Variants in CYP19A1 observed in about 807,000 individuals in gnomAD.
CYP19A1 encodes aromatase.
CYP19A1 carries 32 observed loss-of-function variants against 44.4 expected under a neutral mutation model. The observed-to-expected ratio is 0.72, with a 90% CI of 0.54 to 0.97. The LOEUF is 0.97. CYP19A1 is among the 50% of genes least tolerant of loss of function. CYP19A1 has a pLI of 0.00. For synonymous variants in CYP19A1, 212 were observed against 215.6 expected, an observed-to-expected ratio of 0.98 and a Z score of 0.14; for missense variants, 598 against 637.8, an observed-to-expected ratio of 0.94 and a Z score of 0.67.
chr15:51,299,778 G>A (rs1285800559), intron 1 of CYP19A1, among the ~76,000 whole-genome samples: 2 of 152,220 alleles, frequency 1.3e-5, no homozygotes, highest in African/African-American at 4.8e-5. Context: ...CCCAGCAGGG[G>A]AGATAAGACC....
Position 51,257,626 on chromosome 15 carries a change from T to C in CYP19A1, c.-38-14676A>G, listed in dbSNP as rs994657731. 2.0e-5 allele frequency among the ~76,000 whole-genome samples: 3 copies of C among 152,194 alleles called. No individual in the cohort carries two copies. The East Asian group carries it at 5.8e-4, about 29-fold the overall frequency. ...CAAACAGGCCTTGGCTTCCTGGACA[T>C]TGTGCTCCAGCGCCTGAGCCCAGGT... is the stretch of plus-strand genomic sequence containing the variant. On this transcript the variant is annotated intron_variant, in intron 1 of 9. Coordinates refer to ENST00000396402, the MANE Select transcript of CYP19A1 (RefSeq NM_000103.4).
intron 4 of CYP19A1, among the ~76,000 whole-genome samples, chr15:51,226,971 T>C (rs2032636179): frequency 6.6e-6 from 1 of 152,152 alleles, no homozygotes; most frequent in Non-Finnish European, 1.5e-5. Flanking sequence ...ATTCACAAAT[T>C]GCTTCCTGCT....
rs2034540024 is a variant in CYP19A1 at position 51,256,993 on chromosome 15, T to G, written c.-38-14043A>C. Among the ~76,000 whole-genome samples the G allele has an allele frequency of 4.6e-5, 7 of 152,186 alleles. No homozygotes were observed. In the South Asian group the frequency reaches 1.4e-3, roughly 31 times the overall value. On this transcript the variant is annotated intron_variant, in intron 1 of 9. Coordinates refer to ENST00000396402, the MANE Select transcript of CYP19A1 (RefSeq NM_000103.4). ...ATGCCTGTTGTCCTGGCACCATTAT[T>G]AATTGCACCCCCTCCAATCTTAAGT...
intron 1 of CYP19A1, among the ~76,000 whole-genome samples, chr15:51,300,170 A>G (rs963936177): frequency 6.6e-6 from 1 of 152,056 alleles, no homozygotes; most frequent in African/African-American, 2.4e-5. Context: ...TATTTAGATG[A>G]TTTTCTTCAT....
At position 51,264,291 on chromosome 15, in the gene CYP19A1, C is replaced by A. The variant is rs115735907; in HGVS notation, c.-38-21341G>T. On this transcript the variant is annotated intron_variant, in intron 1 of 9. Coordinates refer to ENST00000396402, the MANE Select transcript of CYP19A1 (RefSeq NM_000103.4). ...GTGAAAGGGCAAATAACATCACTGA[C>A]GGTGCAGTCATCATGGAACTGGGTA... 3.7e-3 allele frequency among the ~76,000 whole-genome samples: 568 copies of A among 152,164 alleles called. 4 individuals are homozygous for A. The highest frequency in any genetic ancestry group is 0.013 in the African/African-American group (548 of 41,512).
chr15:51,240,769 C>T (rs2033708972), intron 2 of CYP19A1, among the ~76,000 whole-genome samples: 1 of 152,176 alleles, frequency 6.6e-6, no homozygotes, highest in Non-Finnish European at 1.5e-5. Flanking sequence ...CCTGGTGGTC[C>T]CCCTACATTC....
chr15:51,292,101 AAAAG>A (rs1387354477), intron 1 of CYP19A1, among the ~76,000 whole-genome samples: 12 of 152,188 alleles, frequency 7.9e-5, no homozygotes, highest in Non-Finnish European at 5.9e-5. Context: ...ATTTGGCAGT[AAAAG>A]AAAGAGGAGA....
At position 51,311,891 on chromosome 15, in the gene CYP19A1, C is replaced by A. The variant is rs1566922350; in HGVS notation, c.-39+26604G>T. On this transcript the variant is annotated intron_variant, in intron 1 of 9. Coordinates refer to ENST00000396402, the MANE Select transcript of CYP19A1 (RefSeq NM_000103.4). Reference sequence around the variant, plus strand: ...ACCTGAAAAAAATCTCAGGGTTGAACTAGACAGTCTTCTAAGCCCCTTCAG... The same window carrying A: ...ACCTGAAAAAAATCTCAGGGTTGAAATAGACAGTCTTCTAAGCCCCTTCAG... Among the ~76,000 whole-genome samples the A allele has an allele frequency of 7.2e-5, 11 of 152,206 alleles. No individual in the cohort carries two copies. In the South Asian group the frequency reaches 2.3e-3, roughly 32 times the overall value.
chr15:51,231,554 A>G (rs754492664), intron 3 of CYP19A1, among the ~76,000 whole-genome samples: 6 of 151,472 alleles, frequency 4.0e-5, no homozygotes, highest in African/African-American at 7.3e-5. Context: ...GCTAAATCCA[A>G]CTCTTAGCTT....
At chr15:51,289,405 C>A (rs2140985596) in intron 1 of CYP19A1, among the ~76,000 whole-genome samples, 1 of 152,282 alleles carries the variant, frequency 6.6e-6, no homozygotes, top group East Asian at 1.9e-4. Context: ...TCCTAGAGCC[C>A]CTGCCCCTGA....
intron 7 of CYP19A1, among the ~76,000 whole-genome samples, 178 bp from the exon 8 acceptor site, chr15:51,215,410 G>A (rs2031472529): frequency 1.3e-5 from 2 of 152,200 alleles, no homozygotes; most frequent in South Asian, 4.1e-4. Context: ...TGAACGATTA[G>A]GCCGACTGTC....
chr15:51,230,617 C>CTTTTTT (rs35011672), intron 3 of CYP19A1, among the ~76,000 whole-genome samples: 1 of 126,542 alleles, frequency 7.9e-6, no homozygotes. Flanking sequence ...TTGGTGCCTT[C>CTTTTTT]TTTTTTTTTT....
intron 1 of CYP19A1, among the ~76,000 whole-genome samples, chr15:51,261,628 A>G (rs1376421331): frequency 6.6e-6 from 1 of 152,192 alleles, no homozygotes; most frequent in African/African-American, 2.4e-5. Flanking sequence ...CTGCATAAGC[A>G]CTCGTGTTGC....
At chr15:51,278,172 C>A (rs1367939088) in intron 1 of CYP19A1, 2 of 151,784 alleles carry the variant, frequency 1.3e-5, no homozygotes, top group East Asian at 1.9e-4. Context: ...GCTTAGAGAC[C>A]AAACCATTAA....
chr15:51,275,046 G>A (rs567354980), intron 1 of CYP19A1, among the ~76,000 whole-genome samples: 8 of 152,306 alleles, frequency 5.3e-5, no homozygotes, highest in Non-Finnish European at 8.8e-5. Flanking sequence ...CTTCCGCTCC[G>A]CTTGTGGTTT....
intron 2 of CYP19A1, among the ~76,000 whole-genome samples, chr15:51,238,261 A>G (rs7176330): frequency 0.4 from 60,476 of 152,120 alleles, 13,323 homozygotes; most frequent in Non-Finnish European, 0.51. Flanking sequence ...TTGTATTAAA[A>G]TAATTTCATT....
At chr15:51,287,785 T>A (rs780109152) in intron 1 of CYP19A1, among the ~76,000 whole-genome samples, 9 of 152,198 alleles carry the variant, frequency 5.9e-5, no homozygotes, top group Non-Finnish European at 1.2e-4. Flanking sequence ...CTCCTTGGTG[T>A]CTGACCTGAA....
chr15:51,211,881 G>A (rs2141032680), intron 9 of CYP19A1, among the ~76,000 whole-genome samples: 1 of 152,284 alleles, frequency 6.6e-6, no homozygotes, highest in East Asian at 1.9e-4. Context: ...ATGAGCCAAA[G>A]GCACTTTGCA....
rs2030553943 is a variant in CYP19A1, at chr15:51,208,089, T to C, written c.*2719A>G. ...ACAAGGTTTAATTAGTATGTCTTTC[T>C]GCAAGAATAGGTGAGAGATTCAGTC... On this transcript the variant is annotated 3_prime_UTR_variant, in exon 10 of 10. Transcript: ENST00000396402. The C allele has an allele frequency of 6.6e-6, 1 of 152,234 alleles. No homozygotes were observed. Among genetic ancestry groups the C allele is most frequent in the South Asian group, 2.1e-4 (1 of 4,832 alleles). 9.4% of individuals were successfully genotyped at this position (152,234 alleles called of 1,614,324 possible).
Sources: gnomAD v4.1 joint callset for allele counts (sites outside exome capture counted in the v4.1 genomes callset) on GRCh38, gnomAD v4.1.1 for gene constraint, MANE v1.5 for transcripts, NCBI Gene and HGNC (gene_info 2026-07-23, HGNC 2026-07-21) for gene names.